Variants in EXOC6B observed in about 807,000 individuals in gnomAD.
The protein encoded by EXOC6B is exocyst complex component 6B, also known as SEC15 homolog B.
Under a neutral mutation model 113.5 loss-of-function variants are expected in EXOC6B, and 54 were observed. The observed-to-expected ratio is 0.48, with a 90% CI of 0.38 to 0.60. The LOEUF is 0.60. Among genes scored for constraint, EXOC6B ranks in the 20% least tolerant of loss-of-function variants. The probability of loss-of-function intolerance (pLI) is 0.00; values close to 1 mark genes in which losing one functional copy is unlikely to be tolerated. For synonymous variants in EXOC6B, 357 were observed against 339.0 expected, an observed-to-expected ratio of 1.05 and a Z score of -0.58; for missense variants, 797 against 977.5, an observed-to-expected ratio of 0.82 and a Z score of 2.46.
chr2:72,638,974 G>A (rs966249826), intron 6 of EXOC6B, among the ~76,000 whole-genome samples: 2 of 152,170 alleles, frequency 1.3e-5, no homozygotes, highest in Non-Finnish European at 2.9e-5. Context: ...TGCCCTGGGG[G>A]CATGTACCAT....
intron 18 of EXOC6B, among the ~76,000 whole-genome samples, chr2:72,452,978 GAA>G (rs1222945135): frequency 1.3e-5 from 2 of 152,012 alleles, no homozygotes; most frequent in African/African-American, 4.8e-5. Flanking sequence ...CCCTTGCCTA[GAA>G]GTTTGCTTGG....
chr2:72,662,268 A>C (rs1317049812), intron 6 of EXOC6B, among the ~76,000 whole-genome samples: 1 of 152,228 alleles, frequency 6.6e-6, no homozygotes, highest in Non-Finnish European at 1.5e-5. Context: ...GTCCTAGCAT[A>C]AGACAAAAAG....
chr2:72,575,761 A>C, intron 6 of EXOC6B, 93 bp from the exon 7 acceptor site: 1 of 1,209,398 alleles, frequency 8.3e-7, no homozygotes, highest in Non-Finnish European at 1.1e-6. Context: ...AAACTTAATT[A>C]AGCTTTCAAC....
rs181786721 is a variant in EXOC6B at position 72,796,256 on chromosome 2, C to T, written c.113+29542G>A. Reference sequence around the variant, plus strand: ...TCACCTGAGGTCACGAGTTCAAGACCAGCCTGGCCAATGTTGGTGAAACCC... The same window carrying T: ...TCACCTGAGGTCACGAGTTCAAGACTAGCCTGGCCAATGTTGGTGAAACCC... On this transcript the variant is annotated intron_variant, in intron 1 of 21. Transcript: ENST00000272427. Among the ~76,000 whole-genome samples the T allele has an allele frequency of 5.1e-3, 773 of 151,378 alleles. 23 individuals carry two copies. The highest frequency in any genetic ancestry group is 0.045 in the Admixed American group (686 of 15,234).
intron 16 of EXOC6B, among the ~76,000 whole-genome samples, chr2:72,490,567 A>G (rs1476340189): frequency 6.6e-6 from 1 of 152,182 alleles, no homozygotes; most frequent in Admixed American, 6.5e-5. Flanking sequence ...ATGTGTCTAT[A>G]CATGTACACA....
At chr2:72,735,873 T>C (rs1553475218) in intron 2 of EXOC6B, among the ~76,000 whole-genome samples, 2 of 150,184 alleles carry the variant, frequency 1.3e-5, no homozygotes, top group Non-Finnish European at 3.0e-5. Flanking sequence ...TACCATTCAA[T>C]AACTATTTCA....
chr2:72,675,324 G>A (rs895606711), intron 6 of EXOC6B, among the ~76,000 whole-genome samples: 1 of 152,174 alleles, frequency 6.6e-6, no homozygotes, highest in African/African-American at 2.4e-5. Context: ...TAGTCTGATA[G>A]CATTAAACAG....
Position 72,257,916 on chromosome 2 carries a change from T to C in EXOC6B, c.2197-73729A>G, listed in dbSNP as rs138526820. Among the ~76,000 whole-genome samples, 53 of 152,256 alleles carry C rather than the reference T, an allele frequency of 3.5e-4. 1 individual carries two copies. The South Asian group carries it at 4.3e-3, about 12-fold the overall frequency. On this transcript the variant is annotated intron_variant, in intron 20 of 21. Coordinates refer to ENST00000272427, the MANE Select transcript of EXOC6B (RefSeq NM_015189.3). ...AGTTGGAGTTAAATGGGCACAGAAA[T>C]ATCTCAGTCAAGTGCTAGGACTCTT...
intron 20 of EXOC6B, among the ~76,000 whole-genome samples, chr2:72,244,220 G>A (rs143667509): frequency 2.0e-4 from 31 of 152,238 alleles, no homozygotes; most frequent in Middle Eastern, 3.4e-3. Flanking sequence ...ATGCCATAAT[G>A]GAGCTAAATG....
At chr2:72,500,856 C>T (rs1700282371) in intron 11 of EXOC6B, among the ~76,000 whole-genome samples, 1 of 152,010 alleles carries the variant, frequency 6.6e-6, no homozygotes, top group East Asian at 1.9e-4. Context: ...TTGAATTCTC[C>T]CACAATTATG....
At chr2:72,238,202 T>C (rs13418637) in intron 20 of EXOC6B, among the ~76,000 whole-genome samples, 56,111 of 152,082 alleles carry the variant, frequency 0.37, 13,089 homozygotes, top group African/African-American at 0.66. Flanking sequence ...ACTTAATGTA[T>C]GATTTTCAAG....
chr2:72,421,734 A>T (rs2105263268), intron 18 of EXOC6B, among the ~76,000 whole-genome samples: 1 of 152,282 alleles, frequency 6.6e-6, no homozygotes, highest in South Asian at 2.1e-4. Context: ...GCGGCACTTG[A>T]GGAGCCCTTC....
intron 20 of EXOC6B, among the ~76,000 whole-genome samples, chr2:72,211,585 C>T (rs1680194053): frequency 6.6e-6 from 1 of 152,150 alleles, no homozygotes; most frequent in African/African-American, 2.4e-5. Context: ...CCACACCCAC[C>T]ATAAGCTGGG....
chr2:72,480,202 T>TAA (rs57087043), intron 17 of EXOC6B, among the ~76,000 whole-genome samples: 1 of 144,938 alleles, frequency 6.9e-6, no homozygotes. Context: ...AGATTTGATT[T>TAA]AAAAAAAAAA....
chr2:72,391,691 C>G (rs1692392696), intron 18 of EXOC6B, among the ~76,000 whole-genome samples: 1 of 152,086 alleles, frequency 6.6e-6, no homozygotes, highest in Non-Finnish European at 1.5e-5. Flanking sequence ...CCATTTAAAA[C>G]CTTTCAACTG....
chr2:72,684,006 A>G (rs1676904792), intron 6 of EXOC6B, among the ~76,000 whole-genome samples: 1 of 152,164 alleles, frequency 6.6e-6, no homozygotes, highest in Non-Finnish European at 1.5e-5. Flanking sequence ...ATCTTGGCTC[A>G]CTGCAACCTC....
intron 20 of EXOC6B, among the ~76,000 whole-genome samples, chr2:72,237,277 T>C (rs1318278642): frequency 1.3e-5 from 2 of 152,224 alleles, no homozygotes; most frequent in Non-Finnish European, 2.9e-5. Context: ...ATGTGTGCTG[T>C]GTGACAGGTA....
intron 18 of EXOC6B, among the ~76,000 whole-genome samples, chr2:72,416,551 T>C (rs1017439771): frequency 6.6e-6 from 1 of 152,228 alleles, no homozygotes; most frequent in Non-Finnish European, 1.5e-5. Context: ...GAAATTTTGC[T>C]GGGCAGAAGA....
At chr2:72,765,940 G>A (rs1464714860) in intron 1 of EXOC6B, among the ~76,000 whole-genome samples, 1 of 152,148 alleles carries the variant, frequency 6.6e-6, no homozygotes, top group African/African-American at 2.4e-5. Context: ...AGGCATAAGA[G>A]GTTAGAATCC....
Sources: gnomAD v4.1 joint callset for allele counts (sites outside exome capture counted in the v4.1 genomes callset) on GRCh38, gnomAD v4.1.1 for gene constraint, MANE v1.5 for transcripts, NCBI Gene and HGNC (gene_info 2026-07-23, HGNC 2026-07-21) for gene names.